MRTFB: variants seen among roughly 807,000 people sequenced by gnomAD.
The protein encoded by MRTFB is myocardin related transcription factor B.
In MRTFB, 29 loss-of-function variants were observed where a neutral mutation model predicts 104.2. That is an observed-to-expected ratio of 0.28 (90% CI 0.21 to 0.38). The LOEUF (loss-of-function observed/expected upper bound fraction) is 0.38, where lower values mean the gene tolerates loss of function less well. Ranked by LOEUF, MRTFB falls within the 10% of genes least tolerant of loss-of-function variation. The pLI, the probability that MRTFB is intolerant of heterozygous loss-of-function variation, is 1.00. For synonymous variants in MRTFB, 535 were observed against 519.5 expected (o/e 1.03, Z -0.41); for missense variants, 1,270 against 1,341.6 (o/e 0.95, Z 0.83).
intron 2 of MRTFB, among the ~76,000 whole-genome samples, chr16:14,109,928 A>G (rs1451235019): frequency 6.6e-6 from 1 of 152,238 alleles, no homozygotes; most frequent in East Asian, 1.9e-4. Context: ...CAAGATTTTC[A>G]TCACAAATCA....
At chr16:14,243,863 G>GGTTTTTTTTTTTTTT (rs1555458546) in intron 10 of MRTFB, among the ~76,000 whole-genome samples, 1 of 118,800 alleles carries the variant, frequency 8.4e-6, no homozygotes. Context: ...GCCTGTTTTG[G>GGTTTTTTTTTTTTTT]GTTTTTTTTT....
At chr16:14,091,601 G>A (rs2035067785) in intron 2 of MRTFB, among the ~76,000 whole-genome samples, 1 of 152,132 alleles carries the variant, frequency 6.6e-6, no homozygotes, top group African/African-American at 2.4e-5. Context: ...GGAAGAAGTG[G>A]AGAAGGGTTG....
intron 2 of MRTFB, among the ~76,000 whole-genome samples, chr16:14,118,432 T>C (rs2036659184): frequency 1.3e-5 from 2 of 150,764 alleles, no homozygotes; most frequent in Admixed American, 6.6e-5. Context: ...GTTAAGCCAC[T>C]GTGCCAAGCC....
At chr16:14,107,561 G>T (rs1452732680) in intron 2 of MRTFB, among the ~76,000 whole-genome samples, 5 of 152,186 alleles carry the variant, frequency 3.3e-5, no homozygotes, top group Non-Finnish European at 7.3e-5. Context: ...GAAGAGGGGT[G>T]AATGTACTAG....
chr16:14,253,696 G>T (rs1033675534), intron 15 of MRTFB, among the ~76,000 whole-genome samples: 4 of 152,196 alleles, frequency 2.6e-5, no homozygotes, highest in African/African-American at 9.6e-5. Context: ...GATGCTCAGG[G>T]CCCGTAGGGG....
At chr16:14,217,393 C>T (rs2041474433) in intron 7 of MRTFB, 106 bp downstream of exon 7, 1 of 944,118 alleles carries the variant, frequency 1.1e-6, no homozygotes, top group African/African-American at 1.6e-5. Flanking sequence ...GTATTGTTTT[C>T]TGGGTTAATT....
intron 3 of MRTFB, among the ~76,000 whole-genome samples, chr16:14,196,935 T>C (rs2040457488): frequency 6.6e-6 from 1 of 151,954 alleles, no homozygotes; most frequent in African/African-American, 2.4e-5. Flanking sequence ...TTATCATCTA[T>C]GAGAGTACTT....
At chr16:14,196,968 T>C (rs75734348) in intron 3 of MRTFB, among the ~76,000 whole-genome samples, 3,795 of 134,272 alleles carry the variant, frequency 0.028, 58 homozygotes, top group Middle Eastern at 0.061. Flanking sequence ...TTTTTTCTTT[T>C]TTTTTTTTTT....
chr16:14,061,062 C>T, the MRTFB span, among the ~76,000 whole-genome samples: 3 of 151,890 alleles, frequency 2.0e-5, no homozygotes, highest in South Asian at 2.1e-4. Flanking sequence ...AGGAGAATGG[C>T]GTGAACCTGG....
intron 3 of MRTFB, among the ~76,000 whole-genome samples, chr16:14,197,138 C>T (rs1296300201): frequency 6.6e-6 from 1 of 151,744 alleles, no homozygotes; most frequent in Non-Finnish European, 1.5e-5. Context: ...CCCACCACGC[C>T]TGGCTGATCT....
the MRTFB span, among the ~76,000 whole-genome samples, chr16:13,999,945 G>A: frequency 1.3e-5 from 2 of 152,158 alleles, no homozygotes; most frequent in Non-Finnish European, 2.9e-5. Flanking sequence ...CCTGTTCCAG[G>A]ACCCAAATAA....
intron 15 of MRTFB, among the ~76,000 whole-genome samples, chr16:14,257,795 C>T (rs766265801): frequency 2.6e-5 from 4 of 151,974 alleles, no homozygotes; most frequent in Admixed American, 1.3e-4. Context: ...TACCTAAATA[C>T]AAATGAATAA....
chr16:14,132,512 C>G (rs116837971), intron 2 of MRTFB, among the ~76,000 whole-genome samples: 391 of 152,260 alleles, frequency 2.6e-3, no homozygotes, highest in African/African-American at 8.7e-3. Flanking sequence ...CTACTACCTG[C>G]TAAAGTGCTT....
chr16:14,023,956 C>T, the MRTFB span, among the ~76,000 whole-genome samples: 1 of 151,738 alleles, frequency 6.6e-6, no homozygotes. Flanking sequence ...GAGGCTGAGG[C>T]AGGAGAGTCA....
chr16:14,240,193 T>A (rs2042702234), intron 9 of MRTFB, 44 bp from the exon 10 acceptor site: 29 of 1,534,734 alleles, frequency 1.9e-5, no homozygotes, highest in Non-Finnish European at 2.4e-5. Context: ...AGATTTTATG[T>A]GGTGACATCT....
intron 2 of MRTFB, among the ~76,000 whole-genome samples, chr16:14,111,941 C>T (rs561150900): frequency 2.0e-5 from 3 of 152,162 alleles, no homozygotes; most frequent in South Asian, 2.1e-4. Context: ...GGTGGCTGGG[C>T]GCTCTGAGCT....
intron 3 of MRTFB, chr16:14,142,079 TC>T (rs2038032665): frequency 6.6e-6 from 1 of 151,922 alleles, no homozygotes; most frequent in African/African-American, 2.4e-5. Context: ...GACCTTGTGA[TC>T]CACCCGCCTC....
chr16:14,227,467 G>T (rs1030870737), intron 8 of MRTFB, among the ~76,000 whole-genome samples: 1 of 152,074 alleles, frequency 6.6e-6, no homozygotes, highest in Non-Finnish European at 1.5e-5. Context: ...CTGCAGAATC[G>T]TGAGCCAAAT....
chr16:14,246,240 C>T (rs548546118), intron 11 of MRTFB, among the ~76,000 whole-genome samples: 13 of 152,304 alleles, frequency 8.5e-5, no homozygotes, highest in African/African-American at 2.6e-4. Context: ...TCTGCTTTGA[C>T]GTAAAAGCGG....
Sources: allele counts gnomAD v4.1 joint callset (sites outside exome capture counted in the v4.1 genomes callset), GRCh38; gene constraint gnomAD v4.1.1; transcripts MANE v1.5; gene names NCBI Gene and HGNC (gene_info 2026-07-23, HGNC 2026-07-21).